Variants in FBXO28 observed in about 807,000 individuals in gnomAD.
The protein encoded by FBXO28 is F-box only protein 28.
A neutral mutation model predicts 38.1 loss-of-function variants in FBXO28; 8 were observed. That is an observed-to-expected ratio of 0.21 (90% confidence interval 0.12 to 0.38). FBXO28 has a LOEUF of 0.38. Ranked by LOEUF, FBXO28 falls within the 10% of genes least tolerant of loss-of-function variation. FBXO28 has a pLI of 1.00. For missense variants in FBXO28, 345 were observed against 460.6 expected, an observed-to-expected ratio of 0.75 and a Z score of 2.30; for synonymous variants, 168 against 173.8, an observed-to-expected ratio of 0.97 and a Z score of 0.26.
At chr1:224,118,776 A>C (rs1280545152) in intron 1 of FBXO28, among the ~76,000 whole-genome samples, 1 of 152,192 alleles carries the variant, frequency 6.6e-6, no homozygotes, top group Non-Finnish European at 1.5e-5. Flanking sequence ...AAGAGTTCTC[A>C]GTTTTTTTGG....
At chr1:224,117,544 T>C (rs1656671691) in intron 1 of FBXO28, among the ~76,000 whole-genome samples, 1 of 152,144 alleles carries the variant, frequency 6.6e-6, no homozygotes, top group Non-Finnish European at 1.5e-5. Flanking sequence ...ACTCCTCCAA[T>C]GTAAAATTAT....
chr1:224,141,576 G>A (rs1033153127), intron 3 of FBXO28, among the ~76,000 whole-genome samples: 3 of 152,066 alleles, frequency 2.0e-5, no homozygotes, highest in African/African-American at 7.2e-5. Flanking sequence ...ATCATAGAGT[G>A]TATTTACACA....
intron 1 of FBXO28, among the ~76,000 whole-genome samples, chr1:224,124,791 G>A (rs149959416): frequency 3.9e-5 from 6 of 152,100 alleles, no homozygotes; most frequent in Admixed American, 3.3e-4. Context: ...GTGCAGTGGC[G>A]TGATCTTGGC....
At chr1:224,135,654 T>C (rs1400347227) in intron 3 of FBXO28, among the ~76,000 whole-genome samples, 1 of 130,178 alleles carries the variant, frequency 7.7e-6, no homozygotes, top group South Asian at 2.5e-4. Context: ...AAAAGAAAAA[T>C]TTAGTATCTG....
chr1:224,145,094 C>T (rs1657466470), intron 3 of FBXO28, among the ~76,000 whole-genome samples: 2 of 151,604 alleles, frequency 1.3e-5, no homozygotes, highest in African/African-American at 4.8e-5. Context: ...CCAGCCTGGC[C>T]AACATGGTGA....
At chr1:224,149,072 C>G (rs183813454) in intron 3 of FBXO28, among the ~76,000 whole-genome samples, 41 of 152,260 alleles carry the variant, frequency 2.7e-4, no homozygotes, top group Non-Finnish European at 5.9e-5. Context: ...CCCAAATACA[C>G]TATAAATATT....
chr1:224,153,116 G>C (rs781638421), intron 3 of FBXO28, 26 bp from the exon 4 acceptor site: 18 of 1,553,810 alleles, frequency 1.2e-5, no homozygotes, highest in Non-Finnish European at 1.6e-5. Context: ...AAAATCTAAA[G>C]TGCTAATGAG....
At chr1:224,130,446 A>AG in intron 1 of FBXO28, 26 bp from the exon 2 acceptor site, 1 of 855,568 alleles carries the variant, frequency 1.2e-6, no homozygotes, top group Non-Finnish European at 1.7e-6. Flanking sequence ...TTGGTTATTG[A>AG]TTTTTGTTCT....
intron 4 of FBXO28, among the ~76,000 whole-genome samples, chr1:224,155,949 G>A (rs1413804667): frequency 1.3e-5 from 2 of 152,192 alleles, no homozygotes; most frequent in African/African-American, 2.4e-5. Flanking sequence ...TGTCAAATGA[G>A]AGCAGAGAAA....
chr1:224,114,488 C>G (rs1365377867), intron 1 of FBXO28, 92 bp downstream of exon 1: 9 of 1,126,518 alleles, frequency 8.0e-6, no homozygotes, highest in Non-Finnish European at 1.1e-5. Flanking sequence ...GGGAGCCCCC[C>G]GCGAGCCCCA....
Position 224,157,556 on chromosome 1 carries a change from A to G in FBXO28, c.917A>G (p.Gln306Arg). The change falls in exon 5 of 5, where the codon CAG becomes CGG. Residue 306 changes from glutamine (Q) to arginine (R), a missense_variant. Coordinates refer to ENST00000366862, the MANE Select transcript of FBXO28 (RefSeq NM_015176.4). ...LQDQDQKLLE[Q>R]TQIIGEQNAR... ...GACCAGGACCAGAAACTGCTAGAGC[A>G]GACCCAGATCATAGGTGAACAAAAT... 1 of 1,614,286 alleles carries G rather than the reference A, an allele frequency of 6.2e-7. No individual in the cohort carries two copies. The highest frequency in any genetic ancestry group is 8.5e-7 in the Non-Finnish European group (1 of 1,180,054).
rs1372668345 is a variant in FBXO28, at chr1:224,158,298, G to A, written c.*552G>A. 2 of 827,620 alleles carry A rather than the reference G, an allele frequency of 2.4e-6. No individual in the cohort carries two copies. The highest frequency in any genetic ancestry group is 3.7e-5 in the African/African-American group (2 of 54,004). The allele number at this position is 827,620 out of a possible 1,614,324, so 51.3% of individuals were successfully genotyped here. ...GACTTCCATAGTATTGACTGTAGAA[G>A]GAGCCTCTACAATATTGACTATATA... is the stretch of plus-strand genomic sequence containing the variant. On this transcript the variant is annotated 3_prime_UTR_variant, in exon 5 of 5. Transcript: ENST00000366862.
rs1223717582 is a variant in FBXO28, at chr1:224,146,232, CAA to C, written c.517-6898_517-6897del. Among the ~76,000 whole-genome samples, 12 of 126,010 alleles carry C rather than the reference CAA, an allele frequency of 9.5e-5. No homozygotes were observed. In the East Asian group the frequency reaches 2.0e-3, roughly 21 times the overall value. 82.7% of individuals were successfully genotyped at this position (126,010 alleles called of 152,430 possible). On this transcript the variant is annotated intron_variant, in intron 3 of 4. Coordinates refer to ENST00000366862, the MANE Select transcript of FBXO28 (RefSeq NM_015176.4). ...CTGGGCGATAGAGTGAGACTGTCTT[CAA>C]AAAAAAAAAAATTAAAAATAATATT...
At chr1:224,120,349 A>G (rs1399708630) in intron 1 of FBXO28, among the ~76,000 whole-genome samples, 3 of 152,208 alleles carry the variant, frequency 2.0e-5, no homozygotes, top group African/African-American at 7.2e-5. Flanking sequence ...TACCTTTGGC[A>G]TATACCTCAT....
chr1:224,134,966 T>C (rs1040821121), intron 3 of FBXO28, among the ~76,000 whole-genome samples: 1 of 152,228 alleles, frequency 6.6e-6, no homozygotes, highest in Non-Finnish European at 1.5e-5. Flanking sequence ...CTTTTTGTTA[T>C]TTCCAAAGAT....
At chr1:224,146,542 A>C (rs1442878001) in intron 3 of FBXO28, among the ~76,000 whole-genome samples, 1 of 152,046 alleles carries the variant, frequency 6.6e-6, no homozygotes, top group Non-Finnish European at 1.5e-5. Context: ...TGGTACTTCT[A>C]CTGTGTGTTA....
At chr1:224,116,920 A>G (rs1656655459) in intron 1 of FBXO28, among the ~76,000 whole-genome samples, 1 of 152,124 alleles carries the variant, frequency 6.6e-6, no homozygotes, top group Admixed American at 6.5e-5. Flanking sequence ...TACACCTGTA[A>G]TGCCACCACT....
chr1:224,154,909 C>T (rs1181869301), intron 4 of FBXO28, among the ~76,000 whole-genome samples: 4 of 147,834 alleles, frequency 2.7e-5, no homozygotes, highest in African/African-American at 7.5e-5. Context: ...ACCCAAGAGG[C>T]GGAGGTTGCG....
chr1:224,129,176 A>G (rs1461252737), intron 1 of FBXO28, among the ~76,000 whole-genome samples: 3 of 151,994 alleles, frequency 2.0e-5, no homozygotes, highest in Admixed American at 6.6e-5. Context: ...CCCTGTCTCT[A>G]CTAAAAATAC....
Sources: gnomAD v4.1 joint callset for allele counts (sites outside exome capture counted in the v4.1 genomes callset) on GRCh38, gnomAD v4.1.1 for gene constraint, MANE v1.5 for transcripts, NCBI Gene and HGNC (gene_info 2026-07-23, HGNC 2026-07-21) for gene names.